PPP2R2B: variants seen among roughly 807,000 people sequenced by gnomAD.
PPP2R2B encodes protein phosphatase 2 regulatory subunit Bbeta, also known as serine/threonine-protein phosphatase 2A 55 kDa regulatory subunit B beta isoform.
PPP2R2B carries 5 observed loss-of-function variants against 46.0 expected under a neutral mutation model. That is an observed-to-expected ratio of 0.11 (90% CI 0.06 to 0.23). PPP2R2B has a LOEUF of 0.23. Among genes scored for constraint, PPP2R2B ranks in the 10% least tolerant of loss-of-function variants. The pLI, the probability that PPP2R2B is intolerant of heterozygous loss-of-function variation, is 1.00. For missense variants in PPP2R2B, 367 were observed against 575.0 expected (o/e 0.64, Z 3.70); for synonymous variants, 215 against 206.7 (o/e 1.04, Z -0.34).
At position 146,587,491 on chromosome 5, in the gene PPP2R2B, G is replaced by A. The variant is rs904102681; in HGVS notation, c.*2456C>T. On this transcript the variant is annotated 3_prime_UTR_variant, in exon 10 of 10. Transcript: ENST00000394411. ...ACTAGTGTAGGGGCTTTTATTTGGA[G>A]TTCGCAGATAAACTGCAAAGGGGCC... is the stretch of plus-strand genomic sequence containing the variant. 2 of 152,120 alleles carry A rather than the reference G, an allele frequency of 1.3e-5. No individual in the cohort carries two copies. Among genetic ancestry groups the A allele is most frequent in the African/African-American group, 2.4e-5 (1 of 41,420 alleles). The allele number at this position is 152,120 out of a possible 1,614,324, so 9.4% of individuals were successfully genotyped here. A position where few individuals can be genotyped will look rare whatever the true frequency, so the allele number is the denominator to read the frequency against.
At chr5:146,726,851 T>C (rs149447510) in intron 2 of PPP2R2B, among the ~76,000 whole-genome samples, 4 of 152,228 alleles carry the variant, frequency 2.6e-5, no homozygotes, top group Admixed American at 6.5e-5. Context: ...TAGAGGGCCA[T>C]ATACAGTTCT....
intron 1 of PPP2R2B, among the ~76,000 whole-genome samples, chr5:146,941,549 T>C (rs571627775): frequency 1.3e-5 from 2 of 152,312 alleles, no homozygotes; most frequent in African/African-American, 2.4e-5. Context: ...ATTTATGTCA[T>C]CTGTAGAAAA....
At chr5:146,960,718 C>G (rs1424295792) in intron 1 of PPP2R2B, among the ~76,000 whole-genome samples, 1 of 152,096 alleles carries the variant, frequency 6.6e-6, no homozygotes, top group Non-Finnish European at 1.5e-5. Flanking sequence ...GTCTTTCAGG[C>G]AGGGGATCAG....
At chr5:146,775,948 A>T (rs1755155461) in intron 2 of PPP2R2B, among the ~76,000 whole-genome samples, 1 of 152,140 alleles carries the variant, frequency 6.6e-6, no homozygotes, top group Non-Finnish European at 1.5e-5. Context: ...TACACTGAAA[A>T]CTACAAAACA....
intron 2 of PPP2R2B, among the ~76,000 whole-genome samples, chr5:146,722,917 C>T (rs1453201025): frequency 1.3e-5 from 2 of 152,152 alleles, no homozygotes; most frequent in Non-Finnish European, 2.9e-5. Flanking sequence ...ACTACCTAAA[C>T]ATGAACAGGT....
intron 1 of PPP2R2B, among the ~76,000 whole-genome samples, chr5:146,914,944 G>T (rs1365880562): frequency 6.6e-6 from 1 of 152,140 alleles, no homozygotes; most frequent in Non-Finnish European, 1.5e-5. Context: ...TTCCAAAAAG[G>T]TCATTTTCAT....
At chr5:146,608,530 C>T (rs1271610435) in intron 7 of PPP2R2B, among the ~76,000 whole-genome samples, 4 of 152,086 alleles carry the variant, frequency 2.6e-5, no homozygotes, top group Non-Finnish European at 5.9e-5. Context: ...GGCATGGTGG[C>T]TCACACCTGT....
intron 2 of PPP2R2B, among the ~76,000 whole-genome samples, chr5:146,800,917 TACACACACACACAC>T (rs148564633): frequency 1.4e-5 from 2 of 145,336 alleles, no homozygotes; most frequent in Admixed American, 6.9e-5. Context: ...TATGTGTACA[TACACACACACACAC>T]ACACACACAC....
intron 5 of PPP2R2B, among the ~76,000 whole-genome samples, chr5:146,671,553 G>A (rs1777372772): frequency 6.6e-6 from 1 of 152,104 alleles, no homozygotes. Context: ...TACTTACTGT[G>A]GGCTTTCTGT....
At chr5:146,826,457 G>A (rs1383177145) in intron 2 of PPP2R2B, among the ~76,000 whole-genome samples, 2 of 152,016 alleles carry the variant, frequency 1.3e-5, no homozygotes, top group East Asian at 3.9e-4. Context: ...AGGGGGATAA[G>A]GGAAAATTTG....
intron 8 of PPP2R2B, among the ~76,000 whole-genome samples, chr5:146,596,875 T>A (rs1202647071): frequency 6.6e-6 from 1 of 152,192 alleles, no homozygotes; most frequent in Non-Finnish European, 1.5e-5. Context: ...CCCAAACCTT[T>A]CTCCAGCCCT....
At chr5:146,754,844 G>A (rs896862796) in intron 2 of PPP2R2B, among the ~76,000 whole-genome samples, 1 of 152,150 alleles carries the variant, frequency 6.6e-6, no homozygotes, top group African/African-American at 2.4e-5. Context: ...CATGATGGAA[G>A]CACTTCCTCC....
At position 146,602,014 on chromosome 5, in the gene PPP2R2B, C is replaced by T. The variant is rs985348512; in HGVS notation, c.791-1554G>A. On this transcript the variant is annotated intron_variant, in intron 7 of 9. Coordinates refer to ENST00000394411, the MANE Select transcript of PPP2R2B (RefSeq NM_181675.4). The stretch of plus-strand genomic sequence containing the variant: ...TAAGTTGGATGTATAGAGTATATCT[C>T]GATATTTCCCACTTCTATTCATTGC... Among the ~76,000 whole-genome samples the T allele has an allele frequency of 2.0e-4, 30 of 152,256 alleles. No homozygotes were observed. In the East Asian group the frequency reaches 3.7e-3, roughly 19 times the overall value.
At position 146,876,289 on chromosome 5, in the gene PPP2R2B, A is replaced by T. The variant is rs1334355202; in HGVS notation, c.70+1713T>A. Among the ~76,000 whole-genome samples, 3 of 152,322 alleles carry T rather than the reference A, an allele frequency of 2.0e-5. 1 individual carries two copies. In the South Asian group the frequency reaches 6.2e-4, roughly 32 times the overall value. On this transcript the variant is annotated intron_variant, in intron 2 of 9. Transcript: ENST00000394411. ...GGCCCTGAAAACAATAAAGAATGCC[A>T]TTTTTAACTGATTTCTTCACTTCAC... is the stretch of plus-strand genomic sequence containing the variant.
At chr5:146,870,133 T>C (rs1761528817) in intron 2 of PPP2R2B, among the ~76,000 whole-genome samples, 1 of 152,174 alleles carries the variant, frequency 6.6e-6, no homozygotes, top group African/African-American at 2.4e-5. Flanking sequence ...GGCCTGCCAT[T>C]CTTTGACCAC....
chr5:146,685,309 C>A (rs970536569), intron 5 of PPP2R2B, among the ~76,000 whole-genome samples: 1 of 152,216 alleles, frequency 6.6e-6, no homozygotes, highest in Non-Finnish European at 1.5e-5. Flanking sequence ...CCTTTCTGAG[C>A]CTCTGTTTAT....
intron 1 of PPP2R2B, among the ~76,000 whole-genome samples, chr5:146,960,002 A>C (rs1752097506): frequency 6.6e-6 from 1 of 152,204 alleles, no homozygotes; most frequent in Non-Finnish European, 1.5e-5. Flanking sequence ...AAGCACGGAA[A>C]TGTCATGATC....
chr5:146,807,196 T>G (rs961410331), intron 2 of PPP2R2B, among the ~76,000 whole-genome samples: 2 of 152,194 alleles, frequency 1.3e-5, no homozygotes, highest in African/African-American at 4.8e-5. Flanking sequence ...TCAAGATCTC[T>G]TCCAGATTTT....
At chr5:146,790,919 G>A (rs1244053617) in intron 2 of PPP2R2B, among the ~76,000 whole-genome samples, 3 of 152,176 alleles carry the variant, frequency 2.0e-5, no homozygotes, top group Admixed American at 1.3e-4. Flanking sequence ...AACTATACTA[G>A]AGTAGATACA....
Sources: allele counts gnomAD v4.1 joint callset (sites outside exome capture counted in the v4.1 genomes callset), GRCh38; gene constraint gnomAD v4.1.1; transcripts MANE v1.5; gene names NCBI Gene and HGNC (gene_info 2026-07-23, HGNC 2026-07-21).